The following ITIH3 variants were observed in gnomAD, a reference collection of about 807,000 sequenced individuals.
The protein encoded by ITIH3 is inter-alpha-trypsin inhibitor heavy chain 3.
ITIH3 carries 81 observed loss-of-function variants against 96.5 expected under a neutral mutation model. The observed-to-expected ratio is 0.84, with a 90% CI of 0.70 to 1.01. The LOEUF is 1.01. ITIH3 is among the 50% of genes least tolerant of loss of function. ITIH3 has a pLI of 0.00. For synonymous variants in ITIH3, 422 were observed against 445.2 expected, an observed-to-expected ratio of 0.95 and a Z score of 0.66; for missense variants, 1,057 against 1,139.3, an observed-to-expected ratio of 0.93 and a Z score of 1.04.
In ITIH3 at chr3:52,806,298, G is replaced by A. The variant is rs763781752; in HGVS notation, c.1948G>A (p.Gly650Arg). 1.4e-5 allele frequency: 22 copies of A among 1,613,518 alleles called. No individual in the cohort carries two copies. Among genetic ancestry groups the A allele is most frequent in the East Asian group, 4.5e-5 (2 of 44,870 alleles). The change falls in exon 18 of 22, where the codon GGG (glycine) becomes AGG (arginine). Residue 650 changes from glycine (G) to arginine (R), a missense_variant. Gly to Arg is a moderately radical substitution (Grantham distance 125). Coordinates refer to ENST00000449956, the MANE Select transcript of ITIH3 (RefSeq NM_002217.4). Reference protein sequence around the residue: ...PPQNPYYYVDGDPHFIIQIPE... With the variant: ...PPQNPYYYVDRDPHFIIQIPE... ...CTTCTCTAATGTGTCACCAGTGGAC[G>A]GGGATCCCCACTTCATCATCCAAAT...
At chr3:52,806,463 C>T in intron 18 of ITIH3, 57 bp downstream of exon 18, 1 of 1,359,260 alleles carries the variant, frequency 7.4e-7, no homozygotes, top group Non-Finnish European at 1.0e-6. Flanking sequence ...GGGCTTGGGT[C>T]CCCCGAGGTA....
intron 13 of ITIH3, among the ~76,000 whole-genome samples, chr3:52,803,266 TTTTATTTATTTATTTATTTA>T (rs146326248): frequency 1.4e-4 from 20 of 142,638 alleles, no homozygotes; most frequent in Admixed American, 3.5e-4. Flanking sequence ...TAGCCCCTTA[TTTTATTTATTTATTTATTTA>T]TTTATTTATT....
In ITIH3 at chr3:52,794,815, A is replaced by T. The variant is rs757911598; in HGVS notation, c.12A>T (p.Ala4=). The change falls in exon 1 of 22, where the codon GCA becomes GCT. Residue 4 remains alanine, a synonymous_variant. Coordinates refer to ENST00000449956, the MANE Select transcript of ITIH3 (RefSeq NM_002217.4). ...CTGAGTATTCAGCGATGGCATTTGC[A>T]TGGTGGCCCTGTCTCATCTTGGCTC... MAF[A]WWPCLILALL... The T allele has an allele frequency of 1.2e-6, 2 of 1,613,926 alleles. No homozygotes were observed. Among genetic ancestry groups the T allele is most frequent in the South Asian group, 2.2e-5 (2 of 91,088 alleles).
At chr3:52,804,488 G>A (rs992983242) in intron 14 of ITIH3, 16 of 556,780 alleles carry the variant, frequency 2.9e-5, no homozygotes, top group African/African-American at 2.7e-4. Context: ...GGGTCTGTGT[G>A]TGGTGGTGGA....
In ITIH3 at chr3:52,802,397, G is replaced by A. The variant is rs1330702289; in HGVS notation, c.1447G>A (p.Ala483Thr). 5 of 1,613,954 alleles carry A rather than the reference G, an allele frequency of 3.1e-6. No homozygotes were observed. The highest frequency in any genetic ancestry group is 1.6e-4 in the Middle Eastern group (1 of 6,062). ...TGVEMEYPEN[A>T]ILDLTQNTYQ... ...TGTGGAGATGGAGTACCCCGAGAAC[G>A]CTATCCTGGACCTCACCCAGAACAC... The change falls in exon 12 of 22, where the codon GCT becomes ACT. Residue 483 changes from alanine (A) to threonine (T), a missense_variant. Ala to Thr is a moderately conservative substitution (Grantham distance 58, BLOSUM62 0). Transcript: ENST00000449956.
Position 52,800,450 on chromosome 3 carries a change from C to T in ITIH3, c.1076-88C>T, listed in dbSNP as rs1699780497. 16 of 1,498,008 alleles carry T rather than the reference C, an allele frequency of 1.1e-5. 1 individual carries two copies. In the South Asian group the frequency reaches 1.2e-4, roughly 11 times the overall value. 92.8% of individuals were successfully genotyped at this position (1,498,008 alleles called of 1,614,324 possible). A position where few individuals can be genotyped will look rare whatever the true frequency, so the allele number is the denominator to read the frequency against. ...GGGTCCTTGGGCACATGAGTGGGGC[C>T]GGCTGTCCCGGCCTCCTCCGCTCCA... On this transcript the variant is annotated intron_variant, in intron 9 of 21. Transcript: ENST00000449956.
rs9883888 is a variant in ITIH3 at position 52,807,095 on chromosome 3, A to G, written c.2251A>G (p.Thr751Ala). ...TFSWLDTVTV[T>A]QDGLSMMINR... ...CAGCTGGCTGGACACAGTCACAGTC[A>G]CGCAGGATGGGTAAGCTCCCCTACA... Residue 751 changes from threonine (T) to alanine (A), a missense_variant, in exon 19 of 22, where the codon ACG becomes GCG. Physicochemically the swap from Thr to Ala is moderately conservative, Grantham distance 58. Coordinates refer to ENST00000449956, the MANE Select transcript of ITIH3 (RefSeq NM_002217.4). The G allele has an allele frequency of 2.5e-3, 3,999 of 1,590,690 alleles. 94 individuals are homozygous for G. In the African/African-American group the frequency reaches 0.047, roughly 19 times the overall value.
rs563312651 is a variant in ITIH3, at chr3:52,803,735, G to A, written c.1710-120G>A. The A allele has an allele frequency of 7.9e-6, 9 of 1,133,378 alleles. No individual in the cohort carries two copies. In the South Asian group the frequency reaches 1.4e-4, roughly 17 times the overall value. 70.2% of individuals were successfully genotyped at this position (1,133,378 alleles called of 1,614,324 possible). A position where few individuals can be genotyped will look rare whatever the true frequency, so the allele number is the denominator to read the frequency against. On this transcript the variant is annotated intron_variant, in intron 13 of 21. Transcript: ENST00000449956. The stretch of plus-strand genomic sequence containing the variant: ...TGAGCCCAACTGGGCTGTACCCTGG[G>A]GGACCCCACAATGGGGAAGGTGGAG...
chr3:52,808,194 T>C lies in ITIH3; in HGVS notation c.2516T>C (p.Val839Ala). ...ACAAAGCCAGATGCCACATTGGTGGTGAAGAACCATCAGCTGATTGTCACC... is the reference window on the plus strand; with the variant it reads ...ACAAAGCCAGATGCCACATTGGTGGCGAAGAACCATCAGCTGATTGTCACC... Reference protein sequence around the residue: ...DPTKPDATLVVKNHQLIVTRG... With the variant: ...DPTKPDATLVAKNHQLIVTRG... Residue 839 changes from valine (V) to alanine (A), a missense_variant, in exon 21 of 22, where the codon GTG becomes GCG. Val to Ala is a moderately conservative substitution (Grantham distance 64). Coordinates refer to ENST00000449956, the MANE Select transcript of ITIH3 (RefSeq NM_002217.4). 1 of 1,614,118 alleles carries C rather than the reference T, an allele frequency of 6.2e-7. No homozygotes were observed. Among genetic ancestry groups the C allele is most frequent in the Non-Finnish European group, 8.5e-7 (1 of 1,179,990 alleles).
chr3:52,796,748 C>T lies in ITIH3; in HGVS notation c.291C>T (p.Asp97=), dbSNP rs2240921. The T allele has an allele frequency of 0.12, 196,941 of 1,610,392 alleles. 13,864 individuals are homozygous for T. The highest frequency in any genetic ancestry group is 0.3 in the African/African-American group (22,267 of 74,836). The change falls in exon 4 of 22, where the codon GAC becomes GAT. Residue 97 remains aspartate (D), a synonymous_variant. Transcript: ENST00000449956. ...CTCTCTTTCCCTGCAGGACCATCGA[C>T]GGTGTTACCTACCCTGGGAATGTCA... ...AFITNFTLTI[D]GVTYPGNVKE...
Position 52,794,982 on chromosome 3 carries a change from AAGAGGAGGC to A in ITIH3, c.93+92_93+100del, listed in dbSNP as rs1699521248. On this transcript the variant is annotated intron_variant, in intron 1 of 21. Coordinates refer to ENST00000449956, the MANE Select transcript of ITIH3 (RefSeq NM_002217.4). ...CTGGGCAAGGCCTCTGAGTGGAGTG[AAGAGGAGGC>A]AGAGGGCTGGGCACTGAGCTGCTGG... The A allele has an allele frequency of 8.1e-6, 9 of 1,104,776 alleles. No homozygotes were observed. The South Asian group carries it at 1.1e-4, about 14-fold the overall frequency. 68.4% of individuals were successfully genotyped at this position (1,104,776 alleles called of 1,614,324 possible). A position where few individuals can be genotyped will look rare whatever the true frequency, so the allele number is the denominator to read the frequency against.
Position 52,806,943 on chromosome 3 carries a change from G to T in ITIH3, c.2099G>T (p.Ser700Ile). Reference sequence around the variant, plus strand: ...CAGATCACTGGCGACAAGAGAGGCAGCCCTGACTCCAAGACCAGAAAGACT... The same window carrying T: ...CAGATCACTGGCGACAAGAGAGGCATCCCTGACTCCAAGACCAGAAAGACT... ...NGQITGDKRG[S>I]PDSKTRKTYF... The change falls in exon 19 of 22, where the codon AGC becomes ATC. Residue 700 changes from serine (S) to isoleucine (I), a missense_variant. By Grantham distance (142) the Ser-to-Ile change is moderately radical (BLOSUM62 -2). Coordinates refer to ENST00000449956, the MANE Select transcript of ITIH3 (RefSeq NM_002217.4). The T allele has an allele frequency of 1.3e-6, 2 of 1,592,722 alleles. No homozygotes were observed. Among genetic ancestry groups the T allele is most frequent in the Admixed American group, 1.8e-5 (1 of 57,100 alleles).
chr3:52,805,771 C>T, intron 15 of ITIH3, 37 bp from the exon 16 acceptor site: 1 of 1,613,390 alleles, frequency 6.2e-7, no homozygotes, highest in South Asian at 1.1e-5. Context: ...AGAAGGAACC[C>T]CTAGACCCTG....
chr3:52,802,243 C>G, intron 11 of ITIH3, 91 bp from the exon 12 acceptor site: 2 of 1,358,294 alleles, frequency 1.5e-6, no homozygotes, highest in Admixed American at 2.2e-5. Context: ...GCCATTAGGA[C>G]GGGCCCAGCC....
chr3:52,800,351 G>A, intron 9 of ITIH3, 187 bp from the exon 10 acceptor site: 1 of 644,684 alleles, frequency 1.6e-6, no homozygotes. Context: ...ATTTGAAAGT[G>A]GAAGTTGTTT....
At chr3:52,805,417 G>C in intron 15 of ITIH3, 1 of 1,060,184 alleles carries the variant, frequency 9.4e-7, no homozygotes, top group Non-Finnish European at 1.2e-6. Context: ...GCGCCTGTGT[G>C]CACGTGTGGG....
At chr3:52,796,446 C>A in intron 2 of ITIH3, 35 bp from the exon 3 acceptor site, 1 of 1,596,812 alleles carries the variant, frequency 6.3e-7, no homozygotes, top group East Asian at 2.2e-5. Context: ...CTCCAGTGTC[C>A]CAGTCTGGCT....
Position 52,797,849 on chromosome 3 carries a change from C to A in ITIH3, c.582C>A (p.Ile194=). ...IEVDIFEPQG[I]SMLDAEASFI... ...TAGACATCTTCGAGCCTCAGGGAAT[C>A]AGCATGCTGGATGCTGAGGCCTCTT... is the stretch of plus-strand genomic sequence containing the variant. The change falls in exon 6 of 22, where the codon ATC becomes ATA. Residue 194 remains isoleucine (I), a synonymous_variant. Transcript: ENST00000449956. The A allele has an allele frequency of 6.2e-7, 1 of 1,609,684 alleles. No homozygotes were observed. Among genetic ancestry groups the A allele is most frequent in the Non-Finnish European group, 8.5e-7 (1 of 1,178,176 alleles).
intron 18 of ITIH3, 58 bp downstream of exon 18, chr3:52,806,464 C>G (rs1707499856): frequency 5.9e-6 from 8 of 1,351,038 alleles, no homozygotes; most frequent in African/African-American, 2.9e-5. Context: ...GGCTTGGGTC[C>G]CCCGAGGTAG....
Sources: allele counts gnomAD v4.1 joint callset (sites outside exome capture counted in the v4.1 genomes callset), GRCh38; gene constraint gnomAD v4.1.1; transcripts MANE v1.5; gene names NCBI Gene and HGNC (gene_info 2026-07-23, HGNC 2026-07-21).